ACOXL: variants seen among roughly 807,000 people sequenced by gnomAD.
The protein encoded by ACOXL is acyl-CoA oxidase like.
In ACOXL, 70 loss-of-function variants were observed where a neutral mutation model predicts 71.9. That is an observed-to-expected ratio of 0.97 (90% CI 0.80 to 1.19). ACOXL has a LOEUF of 1.19. ACOXL is among the 50% of genes most tolerant of loss of function. ACOXL has a pLI of 0.00. For missense variants in ACOXL, 703 were observed against 736.3 expected, an observed-to-expected ratio of 0.95 and a Z score of 0.52; for synonymous variants, 253 against 281.6, an observed-to-expected ratio of 0.90 and a Z score of 1.02.
At chr2:110,966,710 C>T (rs2061944833) in intron 12 of ACOXL, among the ~76,000 whole-genome samples, 1 of 152,216 alleles carries the variant, frequency 6.6e-6, no homozygotes, top group Non-Finnish European at 1.5e-5. Context: ...AGCAGTGGAG[C>T]CTTCACCTCA....
At chr2:110,752,043 G>A (rs1170159034) in intron 1 of ACOXL, among the ~76,000 whole-genome samples, 2 of 142,774 alleles carry the variant, frequency 1.4e-5, no homozygotes, top group African/African-American at 5.3e-5. Context: ...TTTTTTTCCA[G>A]ATGGAGTCTT....
intron 13 of ACOXL, among the ~76,000 whole-genome samples, chr2:110,991,767 A>G (rs938078915): frequency 9.9e-5 from 15 of 152,100 alleles, no homozygotes; most frequent in African/African-American, 2.7e-4. Flanking sequence ...ACGAGCTCCT[A>G]CATGTTAGGA....
chr2:110,823,325 T>A (rs1405874177), intron 9 of ACOXL, among the ~76,000 whole-genome samples: 1 of 152,188 alleles, frequency 6.6e-6, no homozygotes, highest in Non-Finnish European at 1.5e-5. Context: ...TGAATAGTAT[T>A]CCACTGTATA....
intron 10 of ACOXL, among the ~76,000 whole-genome samples, chr2:110,849,719 C>T (rs1320320378): frequency 6.6e-6 from 1 of 152,082 alleles, no homozygotes. Context: ...GATTGCACTA[C>T]TGCACTCCAG....
chr2:111,011,801 T>A (rs2064174373), intron 14 of ACOXL, among the ~76,000 whole-genome samples: 1 of 149,196 alleles, frequency 6.7e-6, no homozygotes, highest in African/African-American at 2.5e-5. Context: ...TGAGAATCAC[T>A]TGAGTCCAGT....
At chr2:110,920,239 A>C (rs2060016435) in intron 11 of ACOXL, among the ~76,000 whole-genome samples, 1 of 152,000 alleles carries the variant, frequency 6.6e-6, no homozygotes, top group African/African-American at 2.4e-5. Context: ...TTATTGTCAG[A>C]TTTTGTTTTG....
intron 12 of ACOXL, among the ~76,000 whole-genome samples, chr2:110,970,216 T>G (rs553894140): frequency 6.6e-6 from 1 of 152,224 alleles, no homozygotes. Context: ...GTATCACTCA[T>G]GAATGTAGAT....
At chr2:111,108,730 T>C (rs533424702) in intron 17 of ACOXL, among the ~76,000 whole-genome samples, 2 of 152,294 alleles carry the variant, frequency 1.3e-5, no homozygotes, top group South Asian at 4.1e-4. Context: ...AATAGCAGAC[T>C]GTATAATGCA....
chr2:110,771,810 A>G (rs114840560), intron 2 of ACOXL, among the ~76,000 whole-genome samples: 1,911 of 152,276 alleles, frequency 0.013, 50 homozygotes, highest in African/African-American at 0.043. Context: ...AGTTTCCAGA[A>G]TTGGATCCTG....
At chr2:110,989,460 TTGG>T (rs1351048576) in intron 13 of ACOXL, among the ~76,000 whole-genome samples, 1 of 152,232 alleles carries the variant, frequency 6.6e-6, no homozygotes, top group African/African-American at 2.4e-5. Context: ...TTCAGAATCT[TTGG>T]CCATTTCATG....
intron 16 of ACOXL, among the ~76,000 whole-genome samples, chr2:111,073,833 A>G (rs1204445568): frequency 1.3e-5 from 2 of 152,200 alleles, no homozygotes; most frequent in Non-Finnish European, 2.9e-5. Flanking sequence ...TAAAAAATCT[A>G]TGGATCAGTT....
At chr2:110,980,257 G>T (rs557150450) in intron 12 of ACOXL, among the ~76,000 whole-genome samples, 24 of 152,360 alleles carry the variant, frequency 1.6e-4, no homozygotes, top group Non-Finnish European at 2.9e-4. Flanking sequence ...TTAAAGCTGT[G>T]TTGTGGCTAC....
chr2:111,095,720 T>C (rs1387770514), intron 17 of ACOXL, among the ~76,000 whole-genome samples: 1 of 152,140 alleles, frequency 6.6e-6, no homozygotes, highest in African/African-American at 2.4e-5. Flanking sequence ...TGCCACATGC[T>C]TTCCACACTT....
At chr2:110,784,890 C>A in intron 3 of ACOXL, 75 bp downstream of exon 3, 3 of 1,389,910 alleles carry the variant, frequency 2.2e-6, no homozygotes, top group Non-Finnish European at 2.9e-6. Context: ...ACTATAACCC[C>A]GTGAGCTCTC....
intron 15 of ACOXL, among the ~76,000 whole-genome samples, chr2:111,043,905 A>G (rs2065898991): frequency 6.6e-6 from 1 of 152,186 alleles, no homozygotes; most frequent in African/African-American, 2.4e-5. Flanking sequence ...ACTGAAGCTC[A>G]GCTGGTGCAA....
chr2:111,003,810 T>C (rs2063755433), intron 14 of ACOXL, among the ~76,000 whole-genome samples: 1 of 152,184 alleles, frequency 6.6e-6, no homozygotes, highest in Non-Finnish European at 1.5e-5. Flanking sequence ...TAAGCACAGA[T>C]AGTTTTCTAG....
chr2:111,087,257 C>T (rs944710590), intron 16 of ACOXL, among the ~76,000 whole-genome samples: 3 of 152,170 alleles, frequency 2.0e-5, no homozygotes, highest in Non-Finnish European at 4.4e-5. Flanking sequence ...AATGCTATTC[C>T]TATCAAACTA....
At chr2:110,985,175 C>G (rs886148930) in intron 12 of ACOXL, among the ~76,000 whole-genome samples, 9 of 152,058 alleles carry the variant, frequency 5.9e-5, no homozygotes, top group Non-Finnish European at 8.8e-5. Context: ...TTGCTATTAT[C>G]ATTTTAATTT....
chr2:110,895,081 A>T (rs536573345), intron 10 of ACOXL, among the ~76,000 whole-genome samples: 12 of 152,376 alleles, frequency 7.9e-5, no homozygotes, highest in African/African-American at 2.9e-4. Flanking sequence ...GCTAACACCA[A>T]AATAACAGAG....
Sources: gnomAD v4.1 joint callset for allele counts (sites outside exome capture counted in the v4.1 genomes callset) on GRCh38, gnomAD v4.1.1 for gene constraint, MANE v1.5 for transcripts, NCBI Gene and HGNC (gene_info 2026-07-23, HGNC 2026-07-21) for gene names.